GALC: variants seen among roughly 807,000 people sequenced by gnomAD.
The protein encoded by GALC is galactocerebrosidase.
Under a neutral mutation model 91.8 loss-of-function variants are expected in GALC, and 77 were observed. That is an observed-to-expected ratio of 0.84 (90% confidence interval 0.70 to 1.01). The LOEUF is 1.01. Ranked by LOEUF, GALC falls within the 50% of genes least tolerant of loss-of-function variation. The pLI, the probability that GALC is intolerant of heterozygous loss-of-function variation, is 0.00. For synonymous variants in GALC, 357 were observed against 306.7 expected, an observed-to-expected ratio of 1.16 and a Z score of -1.71; for missense variants, 882 against 855.9, an observed-to-expected ratio of 1.03 and a Z score of -0.38.
chr14:87,936,896 C>CCATATATATATATATATA (rs1555378200), intron 16 of GALC, among the ~76,000 whole-genome samples: 23 of 3,550 alleles, frequency 6.5e-3, no homozygotes, highest in African/African-American at 7.7e-3. Context: ...ATATCAGGTA[C>CCATATATATATATATATA]TATATATATA....
chr14:87,971,467 C>A (rs1254096345), intron 7 of GALC, among the ~76,000 whole-genome samples: 1 of 152,010 alleles, frequency 6.6e-6, no homozygotes, highest in Non-Finnish European at 1.5e-5. Flanking sequence ...TGATATGAAC[C>A]ACACATAGAC....
In GALC at chr14:87,939,943, T is replaced by A; in HGVS notation, c.1873A>T (p.Thr625Ser). ...IIYALGRVEV[T>S]AKKWYTLTLT... ...GTGAGTGTATACCATTTTTTTGCTGTAACTTCAACACGTCCTAAAGCATAT... is the reference window on the plus strand; with the variant it reads ...GTGAGTGTATACCATTTTTTTGCTGAAACTTCAACACGTCCTAAAGCATAT... Residue 625 changes from threonine (T) to serine (S), a missense_variant, in exon 16 of 17, where the codon ACA becomes TCA. Thr to Ser is a moderately conservative substitution (Grantham distance 58, BLOSUM62 1). Transcript: ENST00000261304. The A allele has an allele frequency of 6.2e-7, 1 of 1,611,040 alleles. No homozygotes were observed. Among genetic ancestry groups the A allele is most frequent in the Non-Finnish European group, 8.5e-7 (1 of 1,177,718 alleles).
At chr14:87,976,787 G>A in intron 6 of GALC, 2 of 352,654 alleles carry the variant, frequency 5.7e-6, no homozygotes, top group South Asian at 2.3e-5. Flanking sequence ...GCTAATTTTT[G>A]TATTTTTTAG....
intron 14 of GALC, among the ~76,000 whole-genome samples, chr14:87,943,138 A>C (rs977053525): frequency 1.8e-4 from 27 of 152,100 alleles, no homozygotes; most frequent in African/African-American, 6.5e-4. Context: ...AAATGGAATA[A>C]AAGTGTGGTT....
chr14:87,961,148 C>A (rs1885784788), intron 10 of GALC, among the ~76,000 whole-genome samples: 2 of 152,162 alleles, frequency 1.3e-5, no homozygotes, highest in South Asian at 4.2e-4. Flanking sequence ...TAAAAATGGG[C>A]AGAGTTTAAA....
chr14:87,937,407 T>C (rs187444873), intron 16 of GALC, among the ~76,000 whole-genome samples: 98 of 151,958 alleles, frequency 6.4e-4, no homozygotes, highest in Non-Finnish European at 1.1e-3. Flanking sequence ...TTAGTGCAGA[T>C]AGTTACAGAA....
rs1259543809 is a variant in GALC at position 87,934,513 on chromosome 14, C to T, written c.*219G>A. The stretch of plus-strand genomic sequence containing the variant: ...ACAGTTTGAATGTTAGGGAACACAC[C>T]AGGTAATGTTAAAGATTCACCAGTT... On this transcript the variant is annotated 3_prime_UTR_variant, in exon 17 of 17. Transcript: ENST00000261304. 3 of 1,426,046 alleles carry T rather than the reference C, an allele frequency of 2.1e-6. No individual in the cohort carries two copies. The highest frequency in any genetic ancestry group is 2.7e-6 in the Non-Finnish European group (3 of 1,094,982). 88.3% of individuals were successfully genotyped at this position (1,426,046 alleles called of 1,614,324 possible).
rs141923758 is a variant in GALC, at chr14:87,940,313, A to C, written c.1835-332T>G. Among the ~76,000 whole-genome samples the C allele has an allele frequency of 1.3e-3, 195 of 152,094 alleles. 1 individual carries two copies. Among genetic ancestry groups the C allele is most frequent in the African/African-American group, 4.4e-3 (181 of 41,542 alleles). ...TACACATTTATACATGACTGGATTGAATATGGAAGACAAGAGAGACAGAAT... is the reference window on the plus strand; with the variant it reads ...TACACATTTATACATGACTGGATTGCATATGGAAGACAAGAGAGACAGAAT... On this transcript the variant is annotated intron_variant, in intron 15 of 16. Transcript: ENST00000261304.
chr14:87,936,077 A>G (rs1387566870), intron 16 of GALC, among the ~76,000 whole-genome samples: 1 of 151,976 alleles, frequency 6.6e-6, no homozygotes, highest in Admixed American at 6.6e-5. Flanking sequence ...CTGACTCCCC[A>G]GACTTCAGCC....
Position 87,988,494 on chromosome 14 carries a change from T to C in GALC, c.225A>G (p.Pro75=). The change falls in exon 2 of 17, where the codon CCA becomes CCG. Residue 75 remains proline, a synonymous_variant. Coordinates refer to ENST00000261304, the MANE Select transcript of GALC (RefSeq NM_000153.4). ...GATSRLLVNY[P]EPYRSQILDY... ...CCAATATCTGAGAACGATAGGGCTCTGGGTAATTTACTAGAAGTCGGGAGG... is the reference window on the plus strand; with the variant it reads ...CCAATATCTGAGAACGATAGGGCTCCGGGTAATTTACTAGAAGTCGGGAGG... The C allele has an allele frequency of 6.2e-7, 1 of 1,612,122 alleles. No homozygotes were observed. Among genetic ancestry groups the C allele is most frequent in the Non-Finnish European group, 8.5e-7 (1 of 1,178,246 alleles).
chr14:87,984,952 T>C (rs1452427995), intron 4 of GALC, among the ~76,000 whole-genome samples: 11 of 152,228 alleles, frequency 7.2e-5, no homozygotes. Flanking sequence ...TCTTGAGTTA[T>C]GTATAACACA....
chr14:87,934,541 C>T lies in GALC; in HGVS notation c.*191G>A. On this transcript the variant is annotated 3_prime_UTR_variant, in exon 17 of 17. Transcript: ENST00000261304. Reference sequence around the variant, plus strand: ...GTAATGTTAAAGATTCACCAGTTTTCCCCTTGGAATTAATTCTAATAAAAT... The same window carrying T: ...GTAATGTTAAAGATTCACCAGTTTTTCCCTTGGAATTAATTCTAATAAAAT... 1 of 1,453,202 alleles carries T rather than the reference C, an allele frequency of 6.9e-7. No homozygotes were observed. Among genetic ancestry groups the T allele is most frequent in the Non-Finnish European group, 9.0e-7 (1 of 1,110,564 alleles). 90.0% of individuals were successfully genotyped at this position (1,453,202 alleles called of 1,614,324 possible). A position where few individuals can be genotyped will look rare whatever the true frequency, so the allele number is the denominator to read the frequency against.
At chr14:87,954,232 T>A (rs574015047) in intron 10 of GALC, 1 of 1,537,430 alleles carries the variant, frequency 6.5e-7, no homozygotes. Context: ...GTGAACAGTA[T>A]AGACTTTATA....
At chr14:87,973,535 C>T (rs1886378689) in intron 7 of GALC, among the ~76,000 whole-genome samples, 1 of 152,022 alleles carries the variant, frequency 6.6e-6, no homozygotes, top group South Asian at 2.1e-4. Context: ...ATAGTAGAAG[C>T]TTAAGTTCAT....
chr14:87,959,369 G>A (rs1414158449), intron 10 of GALC, among the ~76,000 whole-genome samples: 3 of 152,200 alleles, frequency 2.0e-5, no homozygotes, highest in Non-Finnish European at 4.4e-5. Flanking sequence ...ACTTCATGTT[G>A]TTAGGGTTGT....
Position 87,934,689 on chromosome 14 carries a change from A to C in GALC, c.*43T>G. ...TTGGCTCTGAACCAAAACCAAAAAG[A>C]AGGGAAGAAAATCCAGAGTATTCTA... On this transcript the variant is annotated 3_prime_UTR_variant, in exon 17 of 17. Coordinates refer to ENST00000261304, the MANE Select transcript of GALC (RefSeq NM_000153.4). The C allele has an allele frequency of 6.2e-7, 1 of 1,612,224 alleles. No homozygotes were observed. The highest frequency in any genetic ancestry group is 2.2e-5 in the East Asian group (1 of 44,832).
chr14:87,961,610 A>C (rs897737757), intron 10 of GALC, among the ~76,000 whole-genome samples: 4 of 152,202 alleles, frequency 2.6e-5, no homozygotes, highest in African/African-American at 4.8e-5. Context: ...ATGTAGAAGC[A>C]GGAAGTTTAC....
chr14:87,988,044 G>T, intron 3 of GALC, 100 bp downstream of exon 3: 1 of 892,736 alleles, frequency 1.1e-6, no homozygotes. Flanking sequence ...AATCTCAAAA[G>T]TGTTGGTATT....
chr14:87,991,377 T>C (rs1191016723), intron 1 of GALC, among the ~76,000 whole-genome samples: 1 of 152,174 alleles, frequency 6.6e-6, no homozygotes, highest in African/African-American at 2.4e-5. Context: ...TAATTTTTTG[T>C]ATTTTTAGTA....
Sources: allele counts gnomAD v4.1 joint callset (sites outside exome capture counted in the v4.1 genomes callset), GRCh38; gene constraint gnomAD v4.1.1; transcripts MANE v1.5; gene names NCBI Gene and HGNC (gene_info 2026-07-23, HGNC 2026-07-21).